The following ARID3B variants were observed in gnomAD, a reference collection of about 807,000 sequenced individuals.
ARID3B encodes the protein AT-rich interaction domain 3B, also known as AT-rich interactive domain-containing protein 3B.
In ARID3B, 10 loss-of-function variants were observed where a neutral mutation model predicts 51.9. The observed-to-expected ratio is 0.19, with a 90% CI of 0.12 to 0.33. The LOEUF (loss-of-function observed/expected upper bound fraction) is 0.33. Ranked by LOEUF, ARID3B falls within the 10% of genes least tolerant of loss-of-function variation. The probability of loss-of-function intolerance (pLI) is 1.00; values close to 1 mark genes in which losing one functional copy is unlikely to be tolerated. For synonymous variants in ARID3B, 205 were observed against 279.5 expected (o/e 0.73, Z 2.66); for missense variants, 483 against 716.3 (o/e 0.67, Z 3.72).
intron 7 of ARID3B, 24 bp from the exon 8 acceptor site, chr15:74,593,114 C>T: frequency 6.2e-7 from 1 of 1,608,004 alleles, no homozygotes; most frequent in Non-Finnish European, 8.5e-7. Flanking sequence ...TTGACCAGGC[C>T]CACTGTCTCC....
rs1056851861 is a variant in ARID3B at position 74,596,091 on chromosome 15, A to G, written c.*317A>G. On this transcript the variant is annotated 3_prime_UTR_variant, in exon 9 of 9. Transcript: ENST00000346246. ...CAGCTCAGGGCACAGTGTATCGACA[A>G]TCTGTCAGCCGACGCAGGGCTGGAG... 8 of 332,166 alleles carry G rather than the reference A, an allele frequency of 2.4e-5. No homozygotes were observed. Among genetic ancestry groups the G allele is most frequent in the East Asian group, 9.4e-5 (2 of 21,256 alleles). The allele number at this position is 332,166 out of a possible 1,614,324, so 20.6% of individuals were successfully genotyped here.
At chr15:74,571,444 T>C (rs939253320) in intron 2 of ARID3B, among the ~76,000 whole-genome samples, 2 of 151,796 alleles carry the variant, frequency 1.3e-5, no homozygotes, top group African/African-American at 4.8e-5. Context: ...GTGGGAGAAA[T>C]GAATATGACA....
At chr15:74,550,693 T>A (rs957796058) in intron 2 of ARID3B, among the ~76,000 whole-genome samples, 3 of 149,282 alleles carry the variant, frequency 2.0e-5, no homozygotes, top group African/African-American at 7.4e-5. Context: ...GGTGACAGAG[T>A]GAGTGTCCAT....
intron 2 of ARID3B, among the ~76,000 whole-genome samples, chr15:74,564,087 C>G (rs772300712): frequency 4.6e-5 from 7 of 152,184 alleles, no homozygotes; most frequent in Non-Finnish European, 1.0e-4. Context: ...TACCTGACAG[C>G]GGAAGGTGTG....
chr15:74,552,572 A>G (rs2061642185), intron 2 of ARID3B, among the ~76,000 whole-genome samples: 1 of 151,650 alleles, frequency 6.6e-6, no homozygotes, highest in African/African-American at 2.4e-5. Context: ...TCACTGTCCT[A>G]AAAATTCTCT....
In ARID3B at chr15:74,589,798, TTC is replaced by T. The variant is rs374122799; in HGVS notation, c.698-17_698-16del. 28 of 1,591,404 alleles carry T rather than the reference TTC, an allele frequency of 1.8e-5. No individual in the cohort carries two copies. In the African/African-American group the frequency reaches 3.2e-4, roughly 18 times the overall value. On this transcript the variant is annotated intron_variant, in intron 4 of 8. Coordinates refer to ENST00000346246, the MANE Select transcript of ARID3B (RefSeq NM_006465.4). The stretch of plus-strand genomic sequence containing the variant: ...GCCTGATGATGATCCCGCTGTCTCT[TTC>T]TCTCGTTGGACAACCACAGGGACCC...
At chr15:74,595,276 T>C (rs1386907438) in intron 8 of ARID3B, among the ~76,000 whole-genome samples, 1 of 152,166 alleles carries the variant, frequency 6.6e-6, no homozygotes, top group African/African-American at 2.4e-5. Context: ...GGCCTTGAGC[T>C]ATTCTCCTGC....
chr15:74,551,613 G>A (rs1025431999), intron 2 of ARID3B, among the ~76,000 whole-genome samples: 5 of 152,042 alleles, frequency 3.3e-5, no homozygotes, highest in African/African-American at 7.3e-5. Context: ...CCACGTTTAC[G>A]CATCTTCTCT....
At chr15:74,549,354 C>T (rs907689914) in intron 2 of ARID3B, among the ~76,000 whole-genome samples, 15 of 152,080 alleles carry the variant, frequency 9.9e-5, no homozygotes, top group Admixed American at 2.6e-4. Flanking sequence ...GGATTACAGG[C>T]GTGAGCCACT....
intron 7 of ARID3B, among the ~76,000 whole-genome samples, chr15:74,592,203 G>A (rs2061806213): frequency 6.6e-6 from 1 of 152,218 alleles, no homozygotes; most frequent in Non-Finnish European, 1.5e-5. Flanking sequence ...ATGTTCCTGA[G>A]GCTCAGCGAG....
chr15:74,586,056 A>G (rs1325504862), intron 4 of ARID3B, among the ~76,000 whole-genome samples: 1 of 152,224 alleles, frequency 6.6e-6, no homozygotes, highest in African/African-American at 2.4e-5. Flanking sequence ...TATCAGCTTG[A>G]TCTCCAGAAC....
At chr15:74,568,586 C>T (rs1421034562) in intron 2 of ARID3B, among the ~76,000 whole-genome samples, 1 of 152,200 alleles carries the variant, frequency 6.6e-6, no homozygotes, top group Non-Finnish European at 1.5e-5. Context: ...AGAAGGCACA[C>T]AAACACTAGC....
intron 4 of ARID3B, chr15:74,573,628 T>A (rs1055108258): frequency 5.3e-6 from 1 of 189,292 alleles, no homozygotes; most frequent in Non-Finnish European, 1.1e-5. Context: ...GGGTCTGAAA[T>A]GATCCATGGA....
In ARID3B at chr15:74,591,847, C is replaced by G. The variant is rs763139962; in HGVS notation, c.1420+33C>G. On this transcript the variant is annotated intron_variant, in intron 7 of 8. Transcript: ENST00000346246. The surrounding 1 kb of genome is among the most constrained non-coding windows in gnomAD (Gnocchi z 5.8). Reference sequence around the variant, plus strand: ...AGGCTCAGGGCCGGGCCTTCCCTTCCTGGAAACCCCAAGCCCATTCACGCC... The same window carrying G: ...AGGCTCAGGGCCGGGCCTTCCCTTCGTGGAAACCCCAAGCCCATTCACGCC... 1.9e-6 allele frequency: 3 copies of G among 1,600,278 alleles called. No homozygotes were observed. Among genetic ancestry groups the G allele is most frequent in the Admixed American group, 1.7e-5 (1 of 59,512 alleles).
chr15:74,584,605 A>T (rs1168400734), intron 4 of ARID3B, among the ~76,000 whole-genome samples: 1 of 152,038 alleles, frequency 6.6e-6, no homozygotes, highest in Non-Finnish European at 1.5e-5. Flanking sequence ...TGCAATGGGG[A>T]GGAAGTGGCT....
In ARID3B at chr15:74,543,147, T is replaced by C. The variant is rs552592657; in HGVS notation, c.-77-713T>C. Among the ~76,000 whole-genome samples, 52 of 152,346 alleles carry C rather than the reference T, an allele frequency of 3.4e-4. No homozygotes were observed. In the South Asian group the frequency reaches 0.011, roughly 31 times the overall value. ...TCCCCCGTTTGCTTTTGAGTGACGA[T>C]TGCAATTTGAGACTCTTGCCTCCTT... On this transcript the variant is annotated intron_variant, in intron 1 of 8. Transcript: ENST00000346246.
intron 2 of ARID3B, among the ~76,000 whole-genome samples, chr15:74,560,155 C>A (rs1043060043): frequency 1.3e-5 from 2 of 150,572 alleles, no homozygotes; most frequent in Admixed American, 1.3e-4. Context: ...CAGTGAGCCA[C>A]GATTGCACCA....
intron 2 of ARID3B, among the ~76,000 whole-genome samples, chr15:74,572,647 C>T (rs1266213498): frequency 6.6e-6 from 1 of 152,118 alleles, no homozygotes; most frequent in Non-Finnish European, 1.5e-5. Context: ...CACCCGATTC[C>T]CTCTTTATTT....
At chr15:74,556,820 G>C (rs1006906620) in intron 2 of ARID3B, among the ~76,000 whole-genome samples, 3 of 137,816 alleles carry the variant, frequency 2.2e-5, no homozygotes, top group African/African-American at 8.4e-5. Context: ...TGTTGCCCAG[G>C]CTGGAGTGCA....
Sources: allele counts gnomAD v4.1 joint callset (sites outside exome capture counted in the v4.1 genomes callset), GRCh38; gene constraint gnomAD v4.1.1; non-coding constraint Gnocchi (gnomAD v3.1); transcripts MANE v1.5; gene names NCBI Gene and HGNC (gene_info 2026-07-23, HGNC 2026-07-21).